Variants in SHROOM3 observed in about 807,000 individuals in gnomAD.
The protein encoded by SHROOM3 is protein Shroom3.
In SHROOM3, 47 loss-of-function variants were observed where a neutral mutation model predicts 138.6. The observed-to-expected ratio is 0.34, with a 90% CI of 0.27 to 0.43. SHROOM3 has a LOEUF of 0.43. Ranked by LOEUF, SHROOM3 falls within the 20% of genes least tolerant of loss-of-function variation. The probability of loss-of-function intolerance (pLI) is 1.00; values close to 1 mark genes in which losing one functional copy is unlikely to be tolerated. For missense variants in SHROOM3, 2,491 were observed against 2,596.5 expected (o/e 0.96, Z 0.88); for synonymous variants, 1,062 against 1,063.3 (o/e 1.00, Z 0.02).
At chr4:76,589,195 C>T (rs951723237) in intron 2 of SHROOM3, among the ~76,000 whole-genome samples, 6 of 152,232 alleles carry the variant, frequency 3.9e-5, no homozygotes, top group South Asian at 2.1e-4. Flanking sequence ...TAGCTGGGTG[C>T]GGTGGCTGAC....
intron 2 of SHROOM3, among the ~76,000 whole-genome samples, chr4:76,584,472 A>G (rs1253332469): frequency 6.6e-6 from 1 of 152,156 alleles, no homozygotes; most frequent in Non-Finnish European, 1.5e-5. Context: ...ATCTGAAGTG[A>G]GCTTAAATTG....
At chr4:76,685,531 G>A (rs1362166068) in intron 2 of SHROOM3, among the ~76,000 whole-genome samples, 4 of 152,180 alleles carry the variant, frequency 2.6e-5, no homozygotes, top group Non-Finnish European at 5.9e-5. Context: ...TTGTATGACT[G>A]TGACAAGAAA....
At chr4:76,552,305 A>C (rs1733382462) in intron 1 of SHROOM3, among the ~76,000 whole-genome samples, 1 of 150,976 alleles carries the variant, frequency 6.6e-6, no homozygotes, top group African/African-American at 2.4e-5. Context: ...CCAGGAGTTC[A>C]AGACCAGCCC....
chr4:76,759,508 A>T (rs774105234), intron 8 of SHROOM3, 37 bp from the exon 9 acceptor site: 2 of 1,613,488 alleles, frequency 1.2e-6, no homozygotes, highest in Non-Finnish European at 1.7e-6. Context: ...CTCTGGCGTG[A>T]TCTGTGTGGC....
intron 1 of SHROOM3, among the ~76,000 whole-genome samples, chr4:76,454,321 G>C (rs1178897213): frequency 6.6e-6 from 1 of 152,160 alleles, no homozygotes; most frequent in African/African-American, 2.4e-5. Context: ...TGGGATTACA[G>C]GTGTGAGCCA....
chr4:76,674,567 T>G (rs960395100), intron 2 of SHROOM3, among the ~76,000 whole-genome samples: 3 of 145,236 alleles, frequency 2.1e-5, no homozygotes, highest in Admixed American at 6.9e-5. Flanking sequence ...TTTTTTTTTT[T>G]TTTTTTTTTG....
At chr4:76,726,439 C>T (rs1452119438) in intron 3 of SHROOM3, among the ~76,000 whole-genome samples, 1 of 151,222 alleles carries the variant, frequency 6.6e-6, no homozygotes, top group East Asian at 1.9e-4. Flanking sequence ...TCTAGTCCTT[C>T]TCCACTGAAA....
At chr4:76,733,145 G>A (rs1720931277) in intron 4 of SHROOM3, among the ~76,000 whole-genome samples, 2 of 152,156 alleles carry the variant, frequency 1.3e-5, no homozygotes, top group Non-Finnish European at 1.5e-5. Context: ...TAAAAAATGT[G>A]CTGGCCCTTC....
intron 2 of SHROOM3, among the ~76,000 whole-genome samples, chr4:76,707,296 C>G (rs1188871830): frequency 6.6e-6 from 1 of 152,116 alleles, no homozygotes; most frequent in Non-Finnish European, 1.5e-5. Flanking sequence ...GTTGACAGTC[C>G]GAAGGGAATA....
At chr4:76,609,503 T>C (rs1374533705) in intron 2 of SHROOM3, among the ~76,000 whole-genome samples, 1 of 152,240 alleles carries the variant, frequency 6.6e-6, no homozygotes, top group Non-Finnish European at 1.5e-5. Flanking sequence ...TAGGCTGGCC[T>C]CATGAGATTC....
At chr4:76,567,751 G>A (rs990447303) in intron 2 of SHROOM3, among the ~76,000 whole-genome samples, 12 of 152,100 alleles carry the variant, frequency 7.9e-5, no homozygotes, top group African/African-American at 2.4e-4. Flanking sequence ...ATAAGTAGGG[G>A]CCCACAAGCC....
At chr4:76,557,987 T>A (rs1228560118) in intron 2 of SHROOM3, among the ~76,000 whole-genome samples, 1 of 151,968 alleles carries the variant, frequency 6.6e-6, no homozygotes, top group Non-Finnish European at 1.5e-5. Flanking sequence ...GTCCAGAGAG[T>A]GCTGAAGGTT....
At chr4:76,581,860 T>A (rs1734059616) in intron 2 of SHROOM3, among the ~76,000 whole-genome samples, 1 of 152,220 alleles carries the variant, frequency 6.6e-6, no homozygotes, top group Non-Finnish European at 1.5e-5. Flanking sequence ...TCATTTACTG[T>A]CTAACACATC....
At chr4:76,602,028 G>A (rs1243310949) in intron 2 of SHROOM3, among the ~76,000 whole-genome samples, 1 of 152,314 alleles carries the variant, frequency 6.6e-6, no homozygotes, top group Admixed American at 6.5e-5. Flanking sequence ...GAGAGCAGAA[G>A]AACGAAGTTG....
At position 76,741,135 on chromosome 4, in the gene SHROOM3, G is replaced by A; in HGVS notation, c.2962G>A (p.Val988Met). The change falls in exon 5 of 11, where the codon GTG becomes ATG. Residue 988 changes from valine (V) to methionine (M), a missense_variant. This residue lies in a region of SHROOM3 where 1,733 missense variants were observed against 1,661.6 expected (regional missense o/e 1.04). Transcript: ENST00000296043. This position sits in a 1 kb window ranked among gnomAD's most constrained non-coding sequence, Gnocchi z 6.2. ...GCACACGCCCCGGGAGCGGCACAGCGTGACCCCTGCTGAGGGCGACCTGGC... is the reference window on the plus strand; with the variant it reads ...GCACACGCCCCGGGAGCGGCACAGCATGACCCCTGCTGAGGGCGACCTGGC... The part of the protein sequence containing the change: ...SPHTPRERHS[V>M]TPAEGDLARP... The A allele has an allele frequency of 3.8e-6, 6 of 1,558,980 alleles. No individual in the cohort carries two copies. Among genetic ancestry groups the A allele is most frequent in the South Asian group, 1.2e-5 (1 of 85,028 alleles).
chr4:76,552,157 T>C (rs367995594), intron 1 of SHROOM3, among the ~76,000 whole-genome samples: 33 of 150,890 alleles, frequency 2.2e-4, no homozygotes, highest in East Asian at 1.6e-3. Context: ...CCACTGCGCC[T>C]GGCCTAAATT....
At chr4:76,623,612 G>T (rs1167200171) in intron 2 of SHROOM3, among the ~76,000 whole-genome samples, 3 of 152,176 alleles carry the variant, frequency 2.0e-5, no homozygotes, top group Non-Finnish European at 4.4e-5. Flanking sequence ...GAAGAAAGAT[G>T]ACATTTTAAA....
At chr4:76,536,547 C>T (rs902576078) in intron 1 of SHROOM3, among the ~76,000 whole-genome samples, 1 of 152,146 alleles carries the variant, frequency 6.6e-6, no homozygotes, top group African/African-American at 2.4e-5. Context: ...AGACAGCTGA[C>T]TCTAGAGGTT....
intron 3 of SHROOM3, among the ~76,000 whole-genome samples, chr4:76,728,888 G>C (rs77267091): frequency 0.016 from 2,385 of 151,364 alleles, 37 homozygotes; most frequent in Non-Finnish European, 0.025. Flanking sequence ...GGAGCTCGGG[G>C]CAATACCTCA....
Sources: gnomAD v4.1 joint callset for allele counts (sites outside exome capture counted in the v4.1 genomes callset) on GRCh38, gnomAD v4.1.1 for gene constraint, gnomAD v4.1.1 regional missense constraint, Gnocchi (gnomAD v3.1) non-coding constraint, MANE v1.5 for transcripts, NCBI Gene and HGNC (gene_info 2026-07-23, HGNC 2026-07-21) for gene names.